Variants in RAD51 observed in about 807,000 individuals in gnomAD.
RAD51 encodes the protein DNA repair protein RAD51 homolog 1.
Under a neutral mutation model 41.5 loss-of-function variants are expected in RAD51, and 14 were observed. The observed-to-expected ratio is 0.34, with a 90% CI of 0.22 to 0.53. RAD51 has a LOEUF of 0.53. Among genes scored for constraint, RAD51 ranks in the 20% least tolerant of loss-of-function variants. The pLI is 0.95. For synonymous variants in RAD51, 136 were observed against 148.6 expected (o/e 0.92, Z 0.62); for missense variants, 234 against 422.0 (o/e 0.55, Z 3.90).
At chr15:40,720,015 C>G (rs1383066647) in intron 6 of RAD51, among the ~76,000 whole-genome samples, 1 of 151,980 alleles carries the variant, frequency 6.6e-6, no homozygotes, top group East Asian at 1.9e-4. Flanking sequence ...AGTAAGGGAC[C>G]AGTTTTTCAT....
chr15:40,720,921 C>G (rs999720703), intron 6 of RAD51, among the ~76,000 whole-genome samples: 1 of 152,220 alleles, frequency 6.6e-6, no homozygotes, highest in Non-Finnish European at 1.5e-5. Flanking sequence ...GTGGTGCACA[C>G]CTGTAATCCC....
At chr15:40,704,746 T>C (rs1895230448) in intron 3 of RAD51, among the ~76,000 whole-genome samples, 1 of 150,178 alleles carries the variant, frequency 6.7e-6, no homozygotes. Flanking sequence ...TTCAGCTCAC[T>C]GCAACCTCCG....
At chr15:40,721,991 G>A (rs566326708) in intron 6 of RAD51, among the ~76,000 whole-genome samples, 10 of 152,260 alleles carry the variant, frequency 6.6e-5, no homozygotes, top group South Asian at 4.1e-4. Context: ...GCCTTAAAAG[G>A]AAGAAAACAC....
chr15:40,721,140 G>A (rs558477786), intron 6 of RAD51, among the ~76,000 whole-genome samples: 11 of 152,268 alleles, frequency 7.2e-5, no homozygotes, highest in African/African-American at 2.6e-4. Context: ...CTGAGATCGC[G>A]CCACTGCACT....
In RAD51 at chr15:40,709,632, C is replaced by T. The variant is rs550206846; in HGVS notation, c.435+516C>T. On this transcript the variant is annotated intron_variant, in intron 5 of 9. Transcript: ENST00000267868. ...CAAGTGATCCACCCACCTTGGCCTC[C>T]CAAGTGCTGGAATTATAGGCGTAAG... Among the ~76,000 whole-genome samples the T allele has an allele frequency of 2.0e-5, 3 of 152,226 alleles. No homozygotes were observed. The East Asian group carries it at 5.8e-4, about 29-fold the overall frequency.
In RAD51 at chr15:40,701,917, G is replaced by A. The variant is rs552810340; in HGVS notation, c.225+716G>A. ...TCCTGCCTCAGCCTCCCGAGTAGTT[G>A]GGACTACAGGTATGTGCCACCACAC... On this transcript the variant is annotated intron_variant, in intron 3 of 9. Coordinates refer to ENST00000267868, the MANE Select transcript of RAD51 (RefSeq NM_002875.5). 1.5e-4 allele frequency: 55 copies of A among 362,292 alleles called. 1 individual carries two copies. In the Middle Eastern group the frequency reaches 3.7e-3, roughly 25 times the overall value. The allele number at this position is 362,292 out of a possible 1,614,324, so 22.4% of individuals were successfully genotyped here.
chr15:40,712,077 CAA>C (rs57056143), intron 5 of RAD51, among the ~76,000 whole-genome samples: 10 of 107,316 alleles, frequency 9.3e-5, no homozygotes, highest in Non-Finnish European at 1.5e-4. Context: ...GTCTCCATCT[CAA>C]AAAAAAAAAA....
intron 1 of RAD51, 60 bp from the exon 2 acceptor site, chr15:40,698,697 G>A: frequency 1.4e-6 from 2 of 1,464,206 alleles, no homozygotes; most frequent in Non-Finnish European, 9.6e-7. Context: ...ATAGAAGATG[G>A]GGAGAGAGAT....
chr15:40,707,985 G>A (rs1895460474), intron 4 of RAD51, among the ~76,000 whole-genome samples: 1 of 150,650 alleles, frequency 6.6e-6, no homozygotes, highest in Non-Finnish European at 1.5e-5. Context: ...CAAAGTGCTG[G>A]GATTACAGGC....
rs7176590 is a variant in RAD51, at chr15:40,719,113, G to A, written c.530+214G>A. ...GCTCTTGTCACCCAGGCTAGAGTGC[G>A]GTGGCGTGATCTCAGGTCACTGCAA... On this transcript the variant is annotated intron_variant, in intron 6 of 9. Coordinates refer to ENST00000267868, the MANE Select transcript of RAD51 (RefSeq NM_002875.5). Among the ~76,000 whole-genome samples, 98,033 of 150,464 alleles carry A rather than the reference G, an allele frequency of 0.65. 32,568 individuals carry two copies. The highest frequency in any genetic ancestry group is 0.92 in the East Asian group (4,747 of 5,132).
intron 5 of RAD51, among the ~76,000 whole-genome samples, chr15:40,716,490 C>T (rs551006404): frequency 2.6e-5 from 4 of 151,898 alleles, no homozygotes; most frequent in South Asian, 2.1e-4. Flanking sequence ...CCCAGCCTCC[C>T]GAGTAGCTGG....
intron 5 of RAD51, among the ~76,000 whole-genome samples, chr15:40,713,607 A>AT (rs761493133): frequency 0.017 from 2,188 of 127,500 alleles, 29 homozygotes; most frequent in Middle Eastern, 0.082. Context: ...AAATGTTACA[A>AT]TTTTTTTTTT....
At chr15:40,728,150 G>A (rs530695471) in intron 6 of RAD51, among the ~76,000 whole-genome samples, 91 of 152,248 alleles carry the variant, frequency 6.0e-4, no homozygotes, top group African/African-American at 2.0e-3. Flanking sequence ...GTGAGCCACC[G>A]CACCTGGCCC....
chr15:40,718,812 T>C lies in RAD51; in HGVS notation c.443T>C (p.Ile148Thr). ...HTLAVTCQLPIDRGGGEGKAM... is the reference protein window; with the variant it reads ...HTLAVTCQLPTDRGGGEGKAM... ...TGTTTTTGTTCTCTATAGCTTCCCA[T>C]TGACCGGGGTGGAGGTGAAGGAAAG... The change falls in exon 6 of 10, where the codon ATT (isoleucine) becomes ACT (threonine). Residue 148 changes from isoleucine (I) to threonine (T), a missense_variant. Coordinates refer to ENST00000267868, the MANE Select transcript of RAD51 (RefSeq NM_002875.5). The C allele has an allele frequency of 2.5e-6, 4 of 1,609,120 alleles. No homozygotes were observed. Among genetic ancestry groups the C allele is most frequent in the Non-Finnish European group, 1.7e-6 (2 of 1,175,724 alleles).
intron 4 of RAD51, among the ~76,000 whole-genome samples, chr15:40,707,932 G>A (rs758014839): frequency 6.6e-6 from 1 of 151,132 alleles, no homozygotes; most frequent in Non-Finnish European, 1.5e-5. Context: ...TGGCCAGGCT[G>A]GTCTCAAAGT....
At chr15:40,710,887 A>C (rs1440537209) in intron 5 of RAD51, among the ~76,000 whole-genome samples, 1 of 152,064 alleles carries the variant, frequency 6.6e-6, no homozygotes. Context: ...GTACCTCTCT[A>C]TGAGATTATC....
chr15:40,723,408 A>C (rs760061860), intron 6 of RAD51, among the ~76,000 whole-genome samples: 2 of 152,212 alleles, frequency 1.3e-5, no homozygotes, highest in Admixed American at 6.5e-5. Flanking sequence ...TTATAGTATC[A>C]TTATAATAGC....
intron 2 of RAD51, among the ~76,000 whole-genome samples, chr15:40,699,612 G>A (rs549665776): frequency 6.6e-5 from 10 of 152,366 alleles, no homozygotes; most frequent in Admixed American, 1.3e-4. Flanking sequence ...TTTGCACTAA[G>A]TATGAAAGTG....
At chr15:40,713,443 G>A (rs4924499) in intron 5 of RAD51, among the ~76,000 whole-genome samples, 128,147 of 150,562 alleles carry the variant, frequency 0.85, 55,049 homozygotes, top group East Asian at 1. Flanking sequence ...AGGTCTTGCT[G>A]TGTTGGCCAG....
Sources: allele counts gnomAD v4.1 joint callset (sites outside exome capture counted in the v4.1 genomes callset), GRCh38; gene constraint gnomAD v4.1.1; transcripts MANE v1.5; gene names NCBI Gene and HGNC (gene_info 2026-07-23, HGNC 2026-07-21).